Variants in FAM135B observed in about 807,000 individuals in gnomAD.
FAM135B encodes protein FAM135B.
Under a neutral mutation model 127.7 loss-of-function variants are expected in FAM135B, and 43 were observed. The observed-to-expected ratio is 0.34, with a 90% CI of 0.26 to 0.43. The LOEUF is 0.43. Ranked by LOEUF, FAM135B falls within the 20% of genes least tolerant of loss-of-function variation. The probability of loss-of-function intolerance (pLI) is 1.00; values close to 1 mark genes in which losing one functional copy is unlikely to be tolerated. For synonymous variants in FAM135B, 670 were observed against 665.1 expected (o/e 1.01, Z -0.11); for missense variants, 1,558 against 1,725.6 (o/e 0.90, Z 1.72).
chr8:138,383,515 T>C (rs1013357669), intron 1 of FAM135B, among the ~76,000 whole-genome samples: 5 of 152,162 alleles, frequency 3.3e-5, no homozygotes, highest in East Asian at 1.9e-4. Flanking sequence ...ATAATTTATA[T>C]AAAAATGAGA....
intron 7 of FAM135B, among the ~76,000 whole-genome samples, chr8:138,217,336 T>C (rs1057173899): frequency 1.3e-5 from 2 of 152,110 alleles, no homozygotes; most frequent in Non-Finnish European, 2.9e-5. Context: ...AAGAAGTAAT[T>C]TGGAATTCCA....
At chr8:138,287,125 C>T (rs1253564937) in intron 3 of FAM135B, among the ~76,000 whole-genome samples, 1 of 152,044 alleles carries the variant, frequency 6.6e-6, no homozygotes, top group Non-Finnish European at 1.5e-5. Flanking sequence ...CTACAGACTA[C>T]GGGAAGACAT....
chr8:138,450,687 G>A (rs1213562221), intron 1 of FAM135B: 1 of 152,114 alleles, frequency 6.6e-6, no homozygotes, highest in East Asian at 1.9e-4. Context: ...ACTTTTTAAT[G>A]TGGTTGGTTA....
chr8:138,444,433 G>C (rs1357243892), intron 1 of FAM135B, among the ~76,000 whole-genome samples: 2 of 152,138 alleles, frequency 1.3e-5, no homozygotes, highest in African/African-American at 4.8e-5. Context: ...TGAAAGAACA[G>C]AAATTATCAC....
intron 1 of FAM135B, among the ~76,000 whole-genome samples, chr8:138,371,112 T>A (rs114816367): frequency 6.6e-6 from 1 of 152,162 alleles, no homozygotes; most frequent in African/African-American, 2.4e-5. Flanking sequence ...TAACCAGACC[T>A]GAGTTAACTT....
Position 138,152,242 on chromosome 8 carries a change from C to T in FAM135B, c.2233G>A (p.Ala745Thr), listed in dbSNP as rs755759043. The T allele has an allele frequency of 1.2e-6, 2 of 1,614,116 alleles. No homozygotes were observed. The highest frequency in any genetic ancestry group is 3.3e-5 in the Admixed American group (2 of 60,028). Reference protein sequence around the residue: ...SNTSLPSGIQASLTSISSLPF... With the variant: ...SNTSLPSGIQTSLTSISSLPF... ...AAAGAGCTAATGGAGGTGAGAGAAG[C>T]CTGGATGCCGCTTGGCAAACTTGTG... Residue 745 changes from alanine to threonine, a missense_variant, in exon 13 of 20, where the codon GCT becomes ACT. Physicochemically the swap from Ala to Thr is moderately conservative, Grantham distance 58. Transcript: ENST00000395297.
At chr8:138,257,212 G>A (rs567892477) in intron 4 of FAM135B, among the ~76,000 whole-genome samples, 2 of 152,236 alleles carry the variant, frequency 1.3e-5, no homozygotes, top group Admixed American at 6.5e-5. Context: ...CATCCTCTCA[G>A]GGCAGGCACC....
intron 7 of FAM135B, among the ~76,000 whole-genome samples, chr8:138,207,183 G>A (rs569868003): frequency 1.3e-5 from 2 of 151,380 alleles, no homozygotes; most frequent in Non-Finnish European, 2.9e-5. Flanking sequence ...TTACATAGAC[G>A]GCAATAACTC....
chr8:138,284,466 G>C (rs919711592), intron 3 of FAM135B, among the ~76,000 whole-genome samples: 46 of 151,774 alleles, frequency 3.0e-4, no homozygotes, highest in Non-Finnish European at 5.3e-4. Context: ...ACTCCACTTA[G>C]GATAAAGAAA....
chr8:138,368,498 C>T (rs963076186), intron 1 of FAM135B, among the ~76,000 whole-genome samples: 18 of 152,112 alleles, frequency 1.2e-4, no homozygotes, highest in South Asian at 6.2e-4. Flanking sequence ...GCACTCTGCA[C>T]GGTCATTTGT....
At position 138,151,214 on chromosome 8, in the gene FAM135B, T is replaced by G. The variant is rs779650676; in HGVS notation, c.3261A>C (p.Glu1087Asp). 6.5e-7 allele frequency: 1 copy of G among 1,542,546 alleles called. No individual in the cohort carries two copies. The highest frequency in any genetic ancestry group is 2.3e-5 in the East Asian group (1 of 43,670). The change falls in exon 13 of 20, where the codon GAA becomes GAC. Residue 1087 changes from glutamate (E) to aspartate (D), a missense_variant. Physicochemically the swap from Glu to Asp is conservative, Grantham distance 45. Around this residue, in one of 5 missense-constraint regions of FAM135B, gnomAD observed 923 missense variants for 865.3 expected, o/e 1.07. Transcript: ENST00000395297. ...CTTACCTAAACATCCTCTCACTGAC[T>G]TCCTCATCCAACGTGCTGGAATGGG... The part of the protein sequence containing the change: ...VSTHSSTLDE[E>D]VSERMFSFYQ...
intron 7 of FAM135B, among the ~76,000 whole-genome samples, chr8:138,203,754 T>C (rs1190271163): frequency 6.6e-6 from 1 of 152,166 alleles, no homozygotes; most frequent in Non-Finnish European, 1.5e-5. Flanking sequence ...ATTACATTTA[T>C]TGTACACTTT....
intron 3 of FAM135B, among the ~76,000 whole-genome samples, chr8:138,282,693 G>A (rs537664535): frequency 6.6e-6 from 1 of 152,272 alleles, no homozygotes; most frequent in Admixed American, 6.5e-5. Context: ...GCTAGCAAAG[G>A]TGTGGGGTAA....
At chr8:138,283,533 G>A (rs1243067078) in intron 3 of FAM135B, among the ~76,000 whole-genome samples, 1 of 152,074 alleles carries the variant, frequency 6.6e-6, no homozygotes, top group Non-Finnish European at 1.5e-5. Flanking sequence ...TCTAATGGTG[G>A]ATATGTGTCA....
intron 1 of FAM135B, among the ~76,000 whole-genome samples, chr8:138,475,070 A>C (rs991813225): frequency 1.4e-5 from 2 of 147,246 alleles, no homozygotes; most frequent in African/African-American, 5.1e-5. Context: ...TTTTGCTTCT[A>C]GGTTAGTGAA....
intron 9 of FAM135B, among the ~76,000 whole-genome samples, chr8:138,182,108 G>A (rs79245889): frequency 6.6e-5 from 10 of 152,248 alleles, no homozygotes; most frequent in Admixed American, 2.0e-4. Flanking sequence ...CAGTGGCACC[G>A]GCAAACACAG....
At chr8:138,295,102 CTTTTTTTTTTTTT>C (rs527258472) in intron 3 of FAM135B, among the ~76,000 whole-genome samples, 1 of 82,196 alleles carries the variant, frequency 1.2e-5, no homozygotes, top group African/African-American at 5.0e-5. Context: ...CTTGCTGGTG[CTTTTTTTTTTTTT>C]TTTTTTTTTT....
chr8:138,374,366 G>A (rs995339117), intron 1 of FAM135B, among the ~76,000 whole-genome samples: 9 of 152,146 alleles, frequency 5.9e-5, no homozygotes, highest in East Asian at 5.8e-4. Flanking sequence ...TATTAAAAAT[G>A]TTCTCATTGT....
At chr8:138,161,923 T>C in intron 12 of FAM135B, among the ~76,000 whole-genome samples, 1 of 151,424 alleles carries the variant, frequency 6.6e-6, no homozygotes, top group East Asian at 1.9e-4. Context: ...TGAATTTCTA[T>C]AGCCCCAAGG....
Sources: allele counts gnomAD v4.1 joint callset (sites outside exome capture counted in the v4.1 genomes callset), GRCh38; gene constraint gnomAD v4.1.1; regional missense constraint gnomAD v4.1.1; transcripts MANE v1.5; gene names NCBI Gene and HGNC (gene_info 2026-07-23, HGNC 2026-07-21).